PTPRM: variants seen among roughly 807,000 people sequenced by gnomAD.
PTPRM encodes the protein protein tyrosine phosphatase receptor type M, also known as receptor-type tyrosine-protein phosphatase mu.
In PTPRM, 47 loss-of-function variants were observed where a neutral mutation model predicts 186.7. The ratio of observed to expected loss-of-function variants is 0.25; its 90% CI spans 0.20 to 0.32. The LOEUF is 0.32. Ranked by LOEUF, PTPRM falls within the 10% of genes least tolerant of loss-of-function variation. The pLI, the probability that PTPRM is intolerant of heterozygous loss-of-function variation, is 1.00. For missense variants in PTPRM, 1,494 were observed against 1,865.0 expected (o/e 0.80, Z 3.66); for synonymous variants, 668 against 674.9 (o/e 0.99, Z 0.16).
Position 8,132,637 on chromosome 18 carries a change from A to G in PTPRM, c.2168-11010A>G, listed in dbSNP as rs746981064. On this transcript the variant is annotated intron_variant, in intron 13 of 32. Transcript: ENST00000580170. Reference sequence around the variant, plus strand: ...TTTAAAGACTTCTAAAACAAACTCCATATACAATCATGACAAATTACCTAT... The same window carrying G: ...TTTAAAGACTTCTAAAACAAACTCCGTATACAATCATGACAAATTACCTAT... Among the ~76,000 whole-genome samples, 9 of 152,194 alleles carry G rather than the reference A, an allele frequency of 5.9e-5. No individual in the cohort carries two copies. The East Asian group carries it at 1.5e-3, about 26-fold the overall frequency.
intron 1 of PTPRM, among the ~76,000 whole-genome samples, chr18:7,587,952 T>C (rs559705567): frequency 6.6e-6 from 1 of 152,244 alleles, no homozygotes; most frequent in South Asian, 2.1e-4. Flanking sequence ...TTTTAAATGG[T>C]AAAAAGAAAT....
chr18:7,989,607 A>G (rs9952921), intron 7 of PTPRM, among the ~76,000 whole-genome samples: 1 of 152,238 alleles, frequency 6.6e-6, no homozygotes, highest in East Asian at 1.9e-4. Context: ...ATCCTGCTAG[A>G]TAACCTCCTG....
At chr18:8,298,432 A>C (rs1181882204) in intron 20 of PTPRM, among the ~76,000 whole-genome samples, 3 of 152,154 alleles carry the variant, frequency 2.0e-5, no homozygotes, top group Non-Finnish European at 2.9e-5. Context: ...GAATGCAATG[A>C]ATGTCAAGGG....
At chr18:7,973,684 C>T (rs974453407) in intron 7 of PTPRM, among the ~76,000 whole-genome samples, 7 of 152,080 alleles carry the variant, frequency 4.6e-5, no homozygotes, top group African/African-American at 1.7e-4. Flanking sequence ...GAAATCTTCA[C>T]ATTTTATGTA....
chr18:7,645,267 CTATT>C (rs1255284955), intron 1 of PTPRM, among the ~76,000 whole-genome samples: 24 of 152,132 alleles, frequency 1.6e-4, no homozygotes, highest in Admixed American at 1.6e-3. Context: ...TCATTTGGCA[CTATT>C]TATTAGGGGA....
At chr18:7,632,417 C>T (rs1272372254) in intron 1 of PTPRM, among the ~76,000 whole-genome samples, 3 of 152,174 alleles carry the variant, frequency 2.0e-5, no homozygotes, top group Admixed American at 1.3e-4. Flanking sequence ...GCGTTTAATT[C>T]CACAGTCTGT....
At chr18:8,093,379 T>C (rs2090854819) in intron 11 of PTPRM, among the ~76,000 whole-genome samples, 1 of 152,152 alleles carries the variant, frequency 6.6e-6, no homozygotes, top group Non-Finnish European at 1.5e-5. Context: ...GCAGTAGTTC[T>C]CATTACACGT....
At position 7,659,117 on chromosome 18, in the gene PTPRM, T is replaced by TACACACACAC. The variant is rs10541547; in HGVS notation, c.73+91256_73+91265dup. Among the ~76,000 whole-genome samples, 1,230 of 143,976 alleles carry TACACACACAC rather than the reference T, an allele frequency of 8.5e-3. 13 individuals are homozygous for TACACACACAC. Among genetic ancestry groups the TACACACACAC allele is most frequent in the Middle Eastern group, 0.014 (4 of 284 alleles). 94.5% of individuals were successfully genotyped at this position (143,976 alleles called of 152,430 possible). On this transcript the variant is annotated intron_variant, in intron 1 of 32. Coordinates refer to ENST00000580170, the MANE Select transcript of PTPRM (RefSeq NM_001105244.2). ...GCAGGTATACACATGCACATGTATG[T>TACACACACAC]ACACACACACACACACACACACACA...
intron 2 of PTPRM, among the ~76,000 whole-genome samples, chr18:7,875,345 A>G (rs1409356181): frequency 6.8e-6 from 1 of 146,854 alleles, no homozygotes; most frequent in Non-Finnish European, 1.5e-5. Flanking sequence ...TTTTTTTGAG[A>G]AGGAGTCTCC....
intron 5 of PTPRM, among the ~76,000 whole-genome samples, chr18:7,944,906 A>G (rs927582572): frequency 2.6e-5 from 4 of 152,192 alleles, no homozygotes; most frequent in African/African-American, 9.7e-5. Context: ...GTCCCCTCCA[A>G]AACTCATGTT....
chr18:8,209,245 A>G (rs747682350), intron 14 of PTPRM, among the ~76,000 whole-genome samples: 3 of 152,156 alleles, frequency 2.0e-5, no homozygotes, highest in Non-Finnish European at 2.9e-5. Flanking sequence ...GGGAGGAGGC[A>G]AGGACACAAG....
chr18:7,953,057 C>A (rs968180771), intron 6 of PTPRM, among the ~76,000 whole-genome samples: 1 of 152,162 alleles, frequency 6.6e-6, no homozygotes, highest in African/African-American at 2.4e-5. Context: ...TTCTGTAAAC[C>A]AAAAGTCCTT....
intron 8 of PTPRM, 41 bp from the exon 9 acceptor site, chr18:8,076,414 G>T (rs1395039421): frequency 1.6e-6 from 2 of 1,222,140 alleles, no homozygotes; most frequent in South Asian, 1.3e-5. Flanking sequence ...CTTTTTAATT[G>T]TTTATTACTT....
chr18:8,332,359 G>A (rs2095416552), intron 22 of PTPRM, among the ~76,000 whole-genome samples: 1 of 152,072 alleles, frequency 6.6e-6, no homozygotes, highest in Non-Finnish European at 1.5e-5. Flanking sequence ...TTTGGTTTAT[G>A]CCAATTTTCT....
At chr18:8,119,905 T>A (rs1369461967) in intron 13 of PTPRM, among the ~76,000 whole-genome samples, 1 of 152,134 alleles carries the variant, frequency 6.6e-6, no homozygotes, top group East Asian at 1.9e-4. Flanking sequence ...GAAGACAATA[T>A]CTGGAGCTGA....
At chr18:7,715,048 C>A (rs2144809917) in intron 1 of PTPRM, among the ~76,000 whole-genome samples, 1 of 152,242 alleles carries the variant, frequency 6.6e-6, no homozygotes, top group Admixed American at 6.5e-5. Context: ...GGCAGAGACA[C>A]AACCAAAAAA....
At chr18:7,589,021 T>C (rs914676090) in intron 1 of PTPRM, among the ~76,000 whole-genome samples, 1 of 152,120 alleles carries the variant, frequency 6.6e-6, no homozygotes, top group South Asian at 2.1e-4. Context: ...GGCTGATTTT[T>C]AAATTTTGGA....
At chr18:7,714,864 G>C (rs1343713265) in intron 1 of PTPRM, among the ~76,000 whole-genome samples, 1 of 152,156 alleles carries the variant, frequency 6.6e-6, no homozygotes, top group Non-Finnish European at 1.5e-5. Context: ...CTGAAATTGA[G>C]GCAGTAATTA....
intron 19 of PTPRM, among the ~76,000 whole-genome samples, chr18:8,254,400 C>T (rs1352825584): frequency 6.6e-6 from 1 of 152,150 alleles, no homozygotes; most frequent in Non-Finnish European, 1.5e-5. Context: ...GTGTGGGGCC[C>T]AGGGAGCAGG....
Sources: gnomAD v4.1 joint callset for allele counts (sites outside exome capture counted in the v4.1 genomes callset) on GRCh38, gnomAD v4.1.1 for gene constraint, MANE v1.5 for transcripts, NCBI Gene and HGNC (gene_info 2026-07-23, HGNC 2026-07-21) for gene names.